The following KYNU variants were observed in gnomAD, a reference collection of about 807,000 sequenced individuals.
KYNU encodes the protein L-kynurenine hydrolase.
KYNU carries 54 observed loss-of-function variants against 59.2 expected under a neutral mutation model. The ratio of observed to expected loss-of-function variants is 0.91; its 90% CI spans 0.73 to 1.14. The LOEUF (loss-of-function observed/expected upper bound fraction) is 1.14, where lower values mean the gene tolerates loss of function less well. KYNU is among the 50% of genes most tolerant of loss of function. The pLI is 0.00. For synonymous variants in KYNU, 177 were observed against 192.0 expected, an observed-to-expected ratio of 0.92 and a Z score of 0.65; for missense variants, 567 against 554.4, an observed-to-expected ratio of 1.02 and a Z score of -0.23.
intron 2 of KYNU, among the ~76,000 whole-genome samples, chr2:142,889,092 C>T (rs148376768): frequency 6.6e-6 from 1 of 151,520 alleles, no homozygotes; most frequent in Non-Finnish European, 1.5e-5. Context: ...ACAGAGGTAC[C>T]AACTCAGGAG....
In KYNU at chr2:142,903,229, G is replaced by A. The variant is rs763083249; in HGVS notation, c.170-15380G>A. 2.0e-4 allele frequency among the ~76,000 whole-genome samples: 31 copies of A among 152,070 alleles called. 1 individual carries two copies. Among genetic ancestry groups the A allele is most frequent in the Non-Finnish European group, 3.8e-4 (26 of 68,012 alleles). ...CGGGTCTAAGGGGGTACTGCCTTTG[G>A]TAGGGAAAGGAGGTGGAATCCTTTA... On this transcript the variant is annotated intron_variant, in intron 2 of 13. Transcript: ENST00000264170.
At chr2:142,991,511 CT>C in intron 10 of KYNU, among the ~76,000 whole-genome samples, 1 of 151,866 alleles carries the variant, frequency 6.6e-6, no homozygotes, top group East Asian at 1.9e-4. Flanking sequence ...CTTGTTTAGC[CT>C]GTATTTAGCC....
intron 3 of KYNU, among the ~76,000 whole-genome samples, chr2:142,924,624 T>A (rs1473398833): frequency 6.6e-6 from 1 of 152,176 alleles, no homozygotes; most frequent in Non-Finnish European, 1.5e-5. Context: ...CAATTCTAAT[T>A]TTGTGAGTAA....
chr2:142,999,515 G>T (rs1685649505), intron 10 of KYNU, among the ~76,000 whole-genome samples: 1 of 152,132 alleles, frequency 6.6e-6, no homozygotes, highest in African/African-American at 2.4e-5. Flanking sequence ...TTAGCTGAGT[G>T]TTTGAGGAGT....
chr2:142,953,075 C>T (rs545895069), intron 4 of KYNU, among the ~76,000 whole-genome samples: 21 of 152,220 alleles, frequency 1.4e-4, no homozygotes, highest in African/African-American at 5.1e-4. Context: ...TTATGCAAAC[C>T]TATCCCCCAA....
intron 2 of KYNU, among the ~76,000 whole-genome samples, chr2:142,894,946 A>G (rs1243722437): frequency 2.0e-5 from 3 of 152,076 alleles, no homozygotes; most frequent in African/African-American, 4.8e-5. Flanking sequence ...GTCACTACAC[A>G]CCTTTTTCTG....
chr2:142,927,706 A>C lies in KYNU; in HGVS notation c.338A>C (p.Asp113Ala). The change falls in exon 4 of 14, where the codon GAT becomes GCT. Residue 113 changes from aspartate to alanine, a missense_variant. By Grantham distance (126) the Asp-to-Ala change is moderately radical. Transcript: ENST00000264170. ...GGGAAGCGTCCTTGGATTACAGGAGATGAGAGTATTGTAGGCCTTATGAAG... is the reference window on the plus strand; with the variant it reads ...GGGAAGCGTCCTTGGATTACAGGAGCTGAGAGTATTGTAGGCCTTATGAAG... The part of the protein sequence containing the change: ...EVGKRPWITG[D>A]ESIVGLMKDI... The C allele has an allele frequency of 6.2e-7, 1 of 1,613,308 alleles. No individual in the cohort carries two copies. Among genetic ancestry groups the C allele is most frequent in the Non-Finnish European group, 8.5e-7 (1 of 1,179,386 alleles).
chr2:142,927,750 A>G lies in KYNU; in HGVS notation c.373+9A>G. On this transcript the variant is annotated intron_variant, in intron 4 of 13. Transcript: ENST00000264170. Reference sequence around the variant, plus strand: ...TATGAAGGACATTGTAGGTAAGTACAAAACACTGAAGTTTTTCCAAATGAA... The same window carrying G: ...TATGAAGGACATTGTAGGTAAGTACGAAACACTGAAGTTTTTCCAAATGAA... The G allele has an allele frequency of 6.3e-7, 1 of 1,576,630 alleles. No individual in the cohort carries two copies.
chr2:142,972,925 G>A (rs1425814410), intron 8 of KYNU, among the ~76,000 whole-genome samples: 2 of 149,220 alleles, frequency 1.3e-5, no homozygotes, highest in Non-Finnish European at 3.0e-5. Flanking sequence ...TAGAGACAGA[G>A]GTCTCAGATT....
intron 2 of KYNU, among the ~76,000 whole-genome samples, chr2:142,907,368 C>G (rs1158703730): frequency 6.6e-6 from 1 of 152,182 alleles, no homozygotes; most frequent in Non-Finnish European, 1.5e-5. Flanking sequence ...TTAGGATGAA[C>G]CTCGGCACTT....
chr2:143,010,949 CA>C (rs1170710393), intron 10 of KYNU, among the ~76,000 whole-genome samples: 4 of 145,854 alleles, frequency 2.7e-5, no homozygotes, highest in African/African-American at 1.0e-4. Flanking sequence ...GACCTAAAAC[CA>C]TAAAAACCCT....
chr2:143,045,929 C>A lies in KYNU; in HGVS notation c.*3757C>A, dbSNP rs1687158078. ...GAGAAGTAAATCTATAATGACAAAT[C>A]ATAATTTCTGAAGGGTATTAATTAG... On this transcript the variant is annotated 3_prime_UTR_variant, in exon 14 of 14. Coordinates refer to ENST00000264170, the MANE Select transcript of KYNU (RefSeq NM_003937.3). 6.6e-6 allele frequency: 1 copy of A among 152,082 alleles called. No homozygotes were observed. The highest frequency in any genetic ancestry group is 1.5e-5 in the Non-Finnish European group (1 of 68,016). The allele number at this position is 152,082 out of a possible 1,614,324, so 9.4% of individuals were successfully genotyped here. A position where few individuals can be genotyped will look rare whatever the true frequency, so the allele number is the denominator to read the frequency against.
intron 9 of KYNU, 126 bp from the exon 10 acceptor site, chr2:142,985,822 C>G (rs1465584206): frequency 4.6e-6 from 3 of 659,226 alleles, no homozygotes; most frequent in Non-Finnish European, 8.2e-6. Flanking sequence ...CATAAATACA[C>G]AAATAATCAC....
At chr2:142,927,575 T>C in intron 3 of KYNU, 84 bp from the exon 4 acceptor site, 3 of 1,046,586 alleles carry the variant, frequency 2.9e-6, no homozygotes, top group Admixed American at 1.7e-5. Flanking sequence ...CATAGAAATG[T>C]TTATTTGCTA....
At chr2:142,994,241 G>A (rs138878663) in intron 10 of KYNU, among the ~76,000 whole-genome samples, 1 of 152,014 alleles carries the variant, frequency 6.6e-6, no homozygotes, top group African/African-American at 2.4e-5. Flanking sequence ...GCAGCATTGC[G>A]AGCTGCCTCA....
intron 2 of KYNU, among the ~76,000 whole-genome samples, chr2:142,906,337 T>C (rs1280591597): frequency 6.6e-6 from 1 of 152,162 alleles, no homozygotes; most frequent in African/African-American, 2.4e-5. Context: ...TATTGAAGAT[T>C]GCATTGTGGG....
At chr2:143,018,382 A>G (rs1258056764) in intron 10 of KYNU, among the ~76,000 whole-genome samples, 1 of 152,202 alleles carries the variant, frequency 6.6e-6, no homozygotes, top group Non-Finnish European at 1.5e-5. Context: ...TCCCAACACC[A>G]TTTATTGAGT....
Position 143,040,624 on chromosome 2 carries a change from A to T in KYNU, c.1238A>T (p.Asp413Val). The change falls in exon 13 of 14, where the codon GAT becomes GTT. Residue 413 changes from aspartate to valine, a missense_variant. Transcript: ENST00000264170. ...ATAACATTTTCTGTTCCAAACAAAG[A>T]TGTTTTCCAAGAACTAGAAAAAAGA... Reference protein sequence around the residue: ...LTITFSVPNKDVFQELEKRGV... With the variant: ...LTITFSVPNKVVFQELEKRGV... 3 of 1,607,698 alleles carry T rather than the reference A, an allele frequency of 1.9e-6. No homozygotes were observed. The highest frequency in any genetic ancestry group is 2.2e-5 in the South Asian group (2 of 90,238).
At chr2:142,969,867 A>G (rs1054862494) in intron 8 of KYNU, among the ~76,000 whole-genome samples, 1 of 152,190 alleles carries the variant, frequency 6.6e-6, no homozygotes, top group Admixed American at 6.5e-5. Context: ...TAAAATACTT[A>G]AGTTGCCTAA....
Sources: allele counts gnomAD v4.1 joint callset (sites outside exome capture counted in the v4.1 genomes callset), GRCh38; gene constraint gnomAD v4.1.1; transcripts MANE v1.5; gene names NCBI Gene and HGNC (gene_info 2026-07-23, HGNC 2026-07-21).